The following MAD1L1 variants were observed in gnomAD, a reference collection of about 807,000 sequenced individuals.
The protein encoded by MAD1L1 is mitotic spindle assembly checkpoint protein MAD1.
Under a neutral mutation model 96.9 loss-of-function variants are expected in MAD1L1, and 95 were observed. The observed-to-expected ratio is 0.98, with a 90% CI of 0.83 to 1.16. The LOEUF is 1.16. Ranked by LOEUF, MAD1L1 falls within the 50% of genes most tolerant of loss-of-function variation. The pLI, the probability that MAD1L1 is intolerant of heterozygous loss-of-function variation, is 0.00. For missense variants in MAD1L1, 1,007 were observed against 954.4 expected (o/e 1.06, Z -0.73); for synonymous variants, 473 against 396.6 (o/e 1.19, Z -2.29).
At chr7:2,098,344 G>A (rs750955773) in intron 11 of MAD1L1, among the ~76,000 whole-genome samples, 1 of 152,180 alleles carries the variant, frequency 6.6e-6, no homozygotes, top group Non-Finnish European at 1.5e-5. Context: ...ACACGCCACG[G>A]GGACCCAGGT....
At chr7:1,832,992 C>T (rs1782781846) in intron 18 of MAD1L1, among the ~76,000 whole-genome samples, 1 of 152,104 alleles carries the variant, frequency 6.6e-6, no homozygotes, top group Non-Finnish European at 1.5e-5. Context: ...CCACCCTGAT[C>T]TGTCAGCAGC....
Position 2,219,359 on chromosome 7 carries a change from A to C in MAD1L1, c.569T>G (p.Leu190Arg). The C allele has an allele frequency of 6.3e-7, 1 of 1,594,378 alleles. No homozygotes were observed. ...VKRLESEKQE[L>R]QEQLDLQHKK... Reference sequence around the variant, plus strand: ...GTGTTGCAGGTCCAGCTGCTCCTGCAGCTCCTGCTTCTCCGACTCCAGGCG... The same window carrying C: ...GTGTTGCAGGTCCAGCTGCTCCTGCCGCTCCTGCTTCTCCGACTCCAGGCG... Residue 190 changes from leucine (L) to arginine (R), a missense_variant, in exon 6 of 19, where the codon CTG (leucine) becomes CGG (arginine). Leu to Arg is a moderately radical substitution (Grantham distance 102). Transcript: ENST00000265854.
intron 16 of MAD1L1, among the ~76,000 whole-genome samples, chr7:1,941,973 C>T (rs1249337111): frequency 6.6e-6 from 1 of 152,188 alleles, no homozygotes. Context: ...AAGGCAGAGC[C>T]CCTAGAGGCA....
intron 15 of MAD1L1, among the ~76,000 whole-genome samples, chr7:1,959,806 G>A (rs1779876753): frequency 6.6e-6 from 1 of 152,186 alleles, no homozygotes; most frequent in Non-Finnish European, 1.5e-5. Flanking sequence ...AGGCCTGCAG[G>A]TGAGGGAGGA....
intron 18 of MAD1L1, among the ~76,000 whole-genome samples, chr7:1,873,287 G>A (rs551615011): frequency 1.7e-3 from 257 of 152,354 alleles, no homozygotes; most frequent in African/African-American, 5.8e-3. Context: ...GCGCGAGTCC[G>A]GGTCCTGTCC....
chr7:1,836,365 G>T (rs1036765989), intron 18 of MAD1L1, among the ~76,000 whole-genome samples: 1 of 152,120 alleles, frequency 6.6e-6, no homozygotes, highest in African/African-American at 2.4e-5. Context: ...GTGGGTTTGG[G>T]GTCAGCTTCT....
chr7:1,960,705 G>C (rs1779917421), intron 15 of MAD1L1, among the ~76,000 whole-genome samples: 1 of 152,186 alleles, frequency 6.6e-6, no homozygotes, highest in African/African-American at 2.4e-5. Flanking sequence ...ATGACAATCT[G>C]AGACTTCAGT....
intron 6 of MAD1L1, 72 bp from the exon 7 acceptor site, chr7:2,218,115 A>AC (rs1793391615): frequency 8.4e-7 from 1 of 1,186,182 alleles, no homozygotes; most frequent in Non-Finnish European, 1.3e-6. Flanking sequence ...TCAGCCTGAG[A>AC]CCCGCCCCAG....
chr7:1,834,268 C>CTAAAGAAGGGCAAAT lies in MAD1L1; in HGVS notation c.1999-18055_1999-18041dup, dbSNP rs1782842718. On this transcript the variant is annotated intron_variant, in intron 18 of 18. Coordinates refer to ENST00000265854, the MANE Select transcript of MAD1L1 (RefSeq NM_001013836.2). The stretch of plus-strand genomic sequence containing the variant: ...AGACTTCAGCTTCGACCTTAAGGAA[C>CTAAAGAAGGGCAAAT]TAAAGAAGGGCAAATTAGACAAAGT... Among the ~76,000 whole-genome samples, 6 of 151,660 alleles carry CTAAAGAAGGGCAAAT rather than the reference C, an allele frequency of 4.0e-5. No homozygotes were observed. The South Asian group carries it at 1.2e-3, about 32-fold the overall frequency.
At chr7:1,831,253 A>G (rs775437429) in intron 18 of MAD1L1, among the ~76,000 whole-genome samples, 7 of 152,202 alleles carry the variant, frequency 4.6e-5, no homozygotes, top group South Asian at 2.1e-4. Context: ...TTACTAGTAT[A>G]TCTTTTATGG....
intron 12 of MAD1L1, among the ~76,000 whole-genome samples, chr7:2,014,996 G>C (rs1326428284): frequency 1.3e-5 from 2 of 152,224 alleles, no homozygotes; most frequent in Non-Finnish European, 2.9e-5. Flanking sequence ...CACAAGGCGA[G>C]GGCGCACAGT....
intron 15 of MAD1L1, among the ~76,000 whole-genome samples, chr7:1,969,971 G>A (rs1049429280): frequency 6.6e-6 from 1 of 152,218 alleles, no homozygotes; most frequent in African/African-American, 2.4e-5. Context: ...CACCACCAGG[G>A]AGACTCATAG....
At chr7:2,044,233 C>T (rs367570024) in intron 12 of MAD1L1, among the ~76,000 whole-genome samples, 1 of 152,184 alleles carries the variant, frequency 6.6e-6, no homozygotes, top group African/African-American at 2.4e-5. Context: ...TTGTTCAGTC[C>T]GCCAACAACA....
intron 15 of MAD1L1, among the ~76,000 whole-genome samples, chr7:1,961,916 C>A (rs936981693): frequency 5.3e-5 from 8 of 150,502 alleles, no homozygotes; most frequent in African/African-American, 1.9e-4. Flanking sequence ...GGCGGTTTCC[C>A]CCATACCATT....
chr7:2,095,504 C>T (rs1036714681), intron 11 of MAD1L1, among the ~76,000 whole-genome samples: 5 of 152,184 alleles, frequency 3.3e-5, no homozygotes, highest in African/African-American at 1.2e-4. Context: ...AGGCTGCAAA[C>T]GGAGATGGGC....
At chr7:1,832,443 T>C (rs1435321165) in intron 18 of MAD1L1, among the ~76,000 whole-genome samples, 2 of 149,032 alleles carry the variant, frequency 1.3e-5, no homozygotes, top group Admixed American at 1.3e-4. Context: ...TGTTGAAAAA[T>C]GACAGCAAAG....
intron 12 of MAD1L1, among the ~76,000 whole-genome samples, chr7:2,037,084 C>T (rs932649104): frequency 2.0e-5 from 3 of 152,180 alleles, no homozygotes; most frequent in Non-Finnish European, 2.9e-5. Flanking sequence ...CACGCGCCCA[C>T]GAAGGTGTCC....
In MAD1L1 at chr7:2,076,070, C is replaced by T. The variant is rs563910836; in HGVS notation, c.1074-6732G>A. On this transcript the variant is annotated intron_variant, in intron 11 of 18. Coordinates refer to ENST00000265854, the MANE Select transcript of MAD1L1 (RefSeq NM_001013836.2). ...CAGTTGTGTGCTCCCGGGACCTGAT[C>T]CGACCCTTGGGATGGTATGAGGCGG... is the stretch of plus-strand genomic sequence containing the variant. Among the ~76,000 whole-genome samples, 61 of 152,250 alleles carry T rather than the reference C, an allele frequency of 4.0e-4. 1 individual carries two copies. The highest frequency in any genetic ancestry group is 5.1e-4 in the Non-Finnish European group (35 of 68,044).
chr7:1,915,973 C>T (rs1788362500), intron 17 of MAD1L1, among the ~76,000 whole-genome samples: 1 of 152,226 alleles, frequency 6.6e-6, no homozygotes, highest in Non-Finnish European at 1.5e-5. Flanking sequence ...ATGATGAGAA[C>T]ACAATCCAGT....
Sources: gnomAD v4.1 joint callset for allele counts (sites outside exome capture counted in the v4.1 genomes callset) on GRCh38, gnomAD v4.1.1 for gene constraint, MANE v1.5 for transcripts, NCBI Gene and HGNC (gene_info 2026-07-23, HGNC 2026-07-21) for gene names.